FRMD6: variants seen among roughly 807,000 people sequenced by gnomAD.
FRMD6 encodes the protein FERM domain containing 6.
A neutral mutation model predicts 73.2 loss-of-function variants in FRMD6; 37 were observed. The ratio of observed to expected loss-of-function variants is 0.51; its 90% CI spans 0.39 to 0.66. The LOEUF (loss-of-function observed/expected upper bound fraction) is 0.66, where lower values mean the gene tolerates loss of function less well. FRMD6 is among the 30% of genes least tolerant of loss of function. The probability of loss-of-function intolerance (pLI) is 0.00; values close to 1 mark genes in which losing one functional copy is unlikely to be tolerated. For synonymous variants in FRMD6, 273 were observed against 282.2 expected (o/e 0.97, Z 0.33); for missense variants, 714 against 780.5 (o/e 0.91, Z 1.02).
intron 1 of FRMD6, among the ~76,000 whole-genome samples, chr14:51,561,705 A>G (rs1003977580): frequency 6.6e-6 from 1 of 152,214 alleles, no homozygotes; most frequent in Non-Finnish European, 1.5e-5. Context: ...ACTTCCCAGC[A>G]GAGATTTCCA....
intron 12 of FRMD6, among the ~76,000 whole-genome samples, chr14:51,724,547 C>T (rs1285058097): frequency 1.3e-5 from 2 of 152,074 alleles, no homozygotes; most frequent in African/African-American, 4.8e-5. Context: ...ACTTGTAAAC[C>T]AGTAATGTCT....
the FRMD6 span, among the ~76,000 whole-genome samples, chr14:51,433,246 C>A: frequency 8.5e-5 from 13 of 152,186 alleles, no homozygotes; most frequent in Non-Finnish European, 2.9e-5. Flanking sequence ...CAAGATTGTT[C>A]ATTGAAGCAT....
At chr14:51,520,779 C>T (rs527518312) in intron 1 of FRMD6, among the ~76,000 whole-genome samples, 194 of 152,042 alleles carry the variant, frequency 1.3e-3, no homozygotes, top group African/African-American at 4.3e-3. Flanking sequence ...CATGGTGGCA[C>T]GTGTTTGTGG....
chr14:51,555,429 C>T (rs894099404), intron 1 of FRMD6, among the ~76,000 whole-genome samples: 13 of 152,142 alleles, frequency 8.5e-5, no homozygotes, highest in Admixed American at 6.5e-4. Flanking sequence ...GTAGAAATTG[C>T]TTTTGGAGAC....
At chr14:51,424,288 G>A in the FRMD6 span, among the ~76,000 whole-genome samples, 1 of 152,214 alleles carries the variant, frequency 6.6e-6, no homozygotes, top group Admixed American at 6.5e-5. Flanking sequence ...GACAGAACCT[G>A]TACTGAGATG....
the FRMD6 span, among the ~76,000 whole-genome samples, chr14:51,405,721 T>A: frequency 6.6e-6 from 1 of 152,222 alleles, no homozygotes; most frequent in African/African-American, 2.4e-5. Flanking sequence ...TCCTTATAGA[T>A]GCTGGATGTT....
chr14:51,493,902 A>G (rs1330399651), intron 1 of FRMD6, among the ~76,000 whole-genome samples: 6 of 152,166 alleles, frequency 3.9e-5, no homozygotes, highest in Non-Finnish European at 8.8e-5. Flanking sequence ...CACAGTTCTA[A>G]AGGCTGGAAA....
intron 1 of FRMD6, among the ~76,000 whole-genome samples, chr14:51,686,945 A>G (rs1436307687): frequency 6.6e-6 from 1 of 152,164 alleles, no homozygotes; most frequent in Non-Finnish European, 1.5e-5. Context: ...TGTCTTGGGT[A>G]AAGTAAAAAC....
intron 2 of FRMD6, among the ~76,000 whole-genome samples, chr14:51,585,444 C>G (rs187559287): frequency 2.5e-3 from 387 of 152,162 alleles, no homozygotes; most frequent in Middle Eastern, 0.01. Flanking sequence ...TAACTGTTTA[C>G]CCAAGAAATA....
the FRMD6 span, among the ~76,000 whole-genome samples, chr14:51,398,680 C>G: frequency 6.6e-6 from 1 of 152,046 alleles, no homozygotes; most frequent in African/African-American, 2.4e-5. Context: ...ACCTAATTTC[C>G]TACTTTCATT....
chr14:51,610,824 C>A (rs1482098439), intron 2 of FRMD6, among the ~76,000 whole-genome samples: 7 of 152,276 alleles, frequency 4.6e-5, no homozygotes, highest in South Asian at 4.1e-4. Flanking sequence ...CAAGTTGACT[C>A]AGGTGTTTGT....
chr14:51,509,852 C>A (rs1884193729), intron 1 of FRMD6, among the ~76,000 whole-genome samples: 1 of 152,130 alleles, frequency 6.6e-6, no homozygotes, highest in Non-Finnish European at 1.5e-5. Context: ...TCTGGAACTC[C>A]TGGCCTCAGG....
chr14:51,596,612 A>G (rs1264459733), intron 2 of FRMD6, among the ~76,000 whole-genome samples: 1 of 152,192 alleles, frequency 6.6e-6, no homozygotes, highest in East Asian at 1.9e-4. Flanking sequence ...AGTGTTTTGC[A>G]TCCTGAGGGT....
At chr14:51,501,448 TGTAA>T (rs1272751085) in intron 1 of FRMD6, among the ~76,000 whole-genome samples, 10 of 152,256 alleles carry the variant, frequency 6.6e-5, no homozygotes, top group African/African-American at 2.4e-4. Context: ...AGCTCCCACT[TGTAA>T]GTGAGAACAT....
chr14:51,437,612 T>A, the FRMD6 span, among the ~76,000 whole-genome samples: 1 of 152,206 alleles, frequency 6.6e-6, no homozygotes, highest in South Asian at 2.1e-4. Context: ...CCAACTTTCT[T>A]TTTTAAAAAA....
chr14:51,676,503 G>A (rs147322271), intron 1 of FRMD6, among the ~76,000 whole-genome samples: 2 of 152,078 alleles, frequency 1.3e-5, no homozygotes, highest in South Asian at 4.1e-4. Context: ...CTCTGCATAG[G>A]ATCCGTAATG....
chr14:51,451,186 A>G, the FRMD6 span, among the ~76,000 whole-genome samples: 1 of 152,118 alleles, frequency 6.6e-6, no homozygotes, highest in African/African-American at 2.4e-5. Context: ...TCAATGCATG[A>G]CACAGGTGAG....
chr14:51,566,614 A>G (rs1453005563), intron 1 of FRMD6, among the ~76,000 whole-genome samples: 2 of 152,348 alleles, frequency 1.3e-5, no homozygotes, highest in South Asian at 2.1e-4. Context: ...CTTCCTACAC[A>G]GTAGCCAGGC....
intron 1 of FRMD6, chr14:51,522,872 T>C (rs1885026475): frequency 6.6e-6 from 1 of 152,204 alleles, no homozygotes; most frequent in South Asian, 2.1e-4. Flanking sequence ...CAGCACTTAC[T>C]TCAGCAGCCT....
Sources: gnomAD v4.1 joint callset for allele counts (sites outside exome capture counted in the v4.1 genomes callset) on GRCh38, gnomAD v4.1.1 for gene constraint, MANE v1.5 for transcripts, NCBI Gene and HGNC (gene_info 2026-07-23, HGNC 2026-07-21) for gene names.